AGAP1: variants seen among roughly 807,000 people sequenced by gnomAD.
AGAP1 encodes the protein ArfGAP with GTPase domain, ankyrin repeat and PH domain 1, also known as arf-GAP with GTPase, ANK repeat and PH domain-containing protein 1.
A neutral mutation model predicts 105.3 loss-of-function variants in AGAP1; 29 were observed. The observed-to-expected ratio is 0.28, with a 90% CI of 0.21 to 0.38. AGAP1 has a LOEUF of 0.38. AGAP1 is among the 10% of genes least tolerant of loss of function. AGAP1 has a pLI of 1.00. For missense variants in AGAP1, 998 were observed against 1,165.1 expected, an observed-to-expected ratio of 0.86 and a Z score of 2.09; for synonymous variants, 509 against 485.9, an observed-to-expected ratio of 1.05 and a Z score of -0.63.
chr2:236,021,676 C>G (rs2056888004), intron 13 of AGAP1, among the ~76,000 whole-genome samples: 1 of 152,110 alleles, frequency 6.6e-6, no homozygotes, highest in African/African-American at 2.4e-5. Context: ...AACACTCACC[C>G]CTGCTGTATC....
intron 1 of AGAP1, among the ~76,000 whole-genome samples, chr2:235,681,615 A>G (rs1409816923): frequency 1.3e-5 from 2 of 152,224 alleles, no homozygotes; most frequent in Admixed American, 1.3e-4. Flanking sequence ...ACAAGAATAA[A>G]TGTGGAATAC....
At chr2:235,636,880 G>A (rs1362961174) in intron 1 of AGAP1, among the ~76,000 whole-genome samples, 2 of 152,136 alleles carry the variant, frequency 1.3e-5, no homozygotes, top group Admixed American at 1.3e-4. Flanking sequence ...TGCACAGAGG[G>A]AGAACATCAT....
chr2:235,545,280 G>A (rs1943586966), intron 1 of AGAP1, among the ~76,000 whole-genome samples: 1 of 152,192 alleles, frequency 6.6e-6, no homozygotes, highest in Admixed American at 6.5e-5. Context: ...AGTGTGATCG[G>A]TGAAACACAG....
rs754923355 is a variant in AGAP1 at position 236,045,444 on chromosome 2, G to A, written c.1892-3615G>A. Among the ~76,000 whole-genome samples the A allele has an allele frequency of 5.9e-5, 9 of 152,226 alleles. No homozygotes were observed. Among genetic ancestry groups the A allele is most frequent in the Non-Finnish European group, 8.8e-5 (6 of 68,042 alleles). On this transcript the variant is annotated intron_variant, in intron 15 of 17. Coordinates refer to ENST00000304032, the MANE Select transcript of AGAP1 (RefSeq NM_001037131.3). This position sits in a 1 kb window ranked among gnomAD's most constrained non-coding sequence, Gnocchi z 6.9. The stretch of plus-strand genomic sequence containing the variant: ...GTGCCTCGTAGCTTTTAATCCTTCT[G>A]ACAGCCCCTTGAGGATGGGAATTAT...
At position 235,611,830 on chromosome 2, in the gene AGAP1, G is replaced by C. The variant is rs139649542; in HGVS notation, c.164-97349G>C. Among the ~76,000 whole-genome samples, 1,395 of 152,188 alleles carry C rather than the reference G, an allele frequency of 9.2e-3. 9 individuals are homozygous for C. Among genetic ancestry groups the C allele is most frequent in the Middle Eastern group, 0.02 (6 of 294 alleles). On this transcript the variant is annotated intron_variant, in intron 1 of 17. Coordinates refer to ENST00000304032, the MANE Select transcript of AGAP1 (RefSeq NM_001037131.3). The surrounding 1 kb of genome is among the most constrained non-coding windows in gnomAD (Gnocchi z 5.0). ...TTTTCATATAAATTAGATTTACATA[G>C]GAGACAAAGAAATCCTTCCCTCCCT...
Position 235,961,733 on chromosome 2 carries a change from C to T in AGAP1, c.1484-6729C>T, listed in dbSNP as rs1165132115. 2.6e-5 allele frequency among the ~76,000 whole-genome samples: 4 copies of T among 152,166 alleles called. No individual in the cohort carries two copies. The highest frequency in any genetic ancestry group is 5.9e-5 in the Non-Finnish European group (4 of 68,034). ...GACCATCCTGGCCAACATGTTGAAACCCGTCTCTACTAAAAATACGAAAAT... is the reference window on the plus strand; with the variant it reads ...GACCATCCTGGCCAACATGTTGAAATCCGTCTCTACTAAAAATACGAAAAT... On this transcript the variant is annotated intron_variant, in intron 12 of 17. Transcript: ENST00000304032. The surrounding 1 kb of genome is among the most constrained non-coding windows in gnomAD (Gnocchi z 5.9).
Position 235,517,861 on chromosome 2 carries a change from C to T in AGAP1, c.163+23012C>T, listed in dbSNP as rs535190123. 2.0e-5 allele frequency among the ~76,000 whole-genome samples: 3 copies of T among 146,344 alleles called. No homozygotes were observed. In the East Asian group the frequency reaches 6.1e-4, roughly 30 times the overall value. On this transcript the variant is annotated intron_variant, in intron 1 of 17. Coordinates refer to ENST00000304032, the MANE Select transcript of AGAP1 (RefSeq NM_001037131.3). The surrounding 1 kb of genome is among the most constrained non-coding windows in gnomAD (Gnocchi z 4.1). ...CTGAGGCAGGAGAATCTCTTGAACC[C>T]GGGAAGTGTTGGAGTGAGCCAAGAT...
intron 16 of AGAP1, among the ~76,000 whole-genome samples, chr2:236,089,000 G>A (rs1212976190): frequency 2.0e-5 from 3 of 152,186 alleles, no homozygotes; most frequent in Non-Finnish European, 4.4e-5. Context: ...GAAAGAACTG[G>A]TTTGTATAAT....
intron 1 of AGAP1, among the ~76,000 whole-genome samples, chr2:235,515,054 T>G (rs756732017): frequency 1.3e-5 from 2 of 152,240 alleles, no homozygotes; most frequent in Non-Finnish European, 2.9e-5. Context: ...AAAAAAGTCC[T>G]TAAATTTAGG....
rs1052244207 is a variant in AGAP1, at chr2:235,900,682, A to G, written c.1156-8056A>G. Among the ~76,000 whole-genome samples the G allele has an allele frequency of 2.0e-5, 3 of 152,222 alleles. No homozygotes were observed. The highest frequency in any genetic ancestry group is 1.3e-4 in the Admixed American group (2 of 15,290). On this transcript the variant is annotated intron_variant, in intron 10 of 17. Transcript: ENST00000304032. The surrounding 1 kb of genome is among the most constrained non-coding windows in gnomAD (Gnocchi z 5.5). ...ATTGTAATTGTGACTTCAAAAGGCC[A>G]TTCCACCATTCTATTAATCCAGCTG...
intron 1 of AGAP1, among the ~76,000 whole-genome samples, chr2:235,603,292 T>G (rs148760550): frequency 0.036 from 5,446 of 152,302 alleles, 319 homozygotes; most frequent in African/African-American, 0.12. Context: ...CCCCAGCCAC[T>G]TGGAACTGTG....
In AGAP1 at chr2:236,042,133, T is replaced by C. The variant is rs985136145; in HGVS notation, c.1891+1292T>C. ...GAAGGAGATGGACCCTGAGCTCCAC[T>C]TGGGGAGATGGATCTGGCCAGACCA... On this transcript the variant is annotated intron_variant, in intron 15 of 17. Coordinates refer to ENST00000304032, the MANE Select transcript of AGAP1 (RefSeq NM_001037131.3). The surrounding 1 kb of genome is among the most constrained non-coding windows in gnomAD (Gnocchi z 5.6). Among the ~76,000 whole-genome samples, 3 of 152,134 alleles carry C rather than the reference T, an allele frequency of 2.0e-5. No homozygotes were observed. Among genetic ancestry groups the C allele is most frequent in the East Asian group, 3.9e-4 (2 of 5,186 alleles).
Position 235,733,222 on chromosome 2 carries a change from C to G in AGAP1, c.311-7741C>G, listed in dbSNP as rs141890050. ...CACTTCTCCCGCTCACCAGGCAACA[C>G]GGGCATCTTCTTTGCCTCCGGAGAG... On this transcript the variant is annotated intron_variant, in intron 3 of 17. Coordinates refer to ENST00000304032, the MANE Select transcript of AGAP1 (RefSeq NM_001037131.3). The surrounding 1 kb of genome is among the most constrained non-coding windows in gnomAD (Gnocchi z 5.0). Among the ~76,000 whole-genome samples the G allele has an allele frequency of 1.3e-5, 2 of 152,318 alleles. No individual in the cohort carries two copies. The highest frequency in any genetic ancestry group is 4.8e-5 in the African/African-American group (2 of 41,586).
intron 1 of AGAP1, among the ~76,000 whole-genome samples, chr2:235,653,791 T>A (rs539861748): frequency 6.6e-6 from 1 of 152,358 alleles, no homozygotes; most frequent in African/African-American, 2.4e-5. Flanking sequence ...GCACAGTGGC[T>A]CACGCCTATA....
At position 236,000,189 on chromosome 2, in the gene AGAP1, C is replaced by A. The variant is rs956185643; in HGVS notation, c.1645+31566C>A. On this transcript the variant is annotated intron_variant, in intron 13 of 17. Coordinates refer to ENST00000304032, the MANE Select transcript of AGAP1 (RefSeq NM_001037131.3). The surrounding 1 kb of genome is among the most constrained non-coding windows in gnomAD (Gnocchi z 4.3). ...TATTACGTTGTTATTTTTGTCTTTCCAATTACACTAACTCCTCACTCAATG... is the reference window on the plus strand; with the variant it reads ...TATTACGTTGTTATTTTTGTCTTTCAAATTACACTAACTCCTCACTCAATG... 6.6e-6 allele frequency among the ~76,000 whole-genome samples: 1 copy of A among 152,126 alleles called. No individual in the cohort carries two copies. Among genetic ancestry groups the A allele is most frequent in the African/African-American group, 2.4e-5 (1 of 41,428 alleles).
chr2:236,067,355 GT>G (rs374238754), intron 16 of AGAP1, among the ~76,000 whole-genome samples: 1 of 152,124 alleles, frequency 6.6e-6, no homozygotes, highest in African/African-American at 2.4e-5. Flanking sequence ...TCATCTATTA[GT>G]TTTTTTAAGG....
rs1953912522 is a variant in AGAP1, at chr2:235,756,207, G to A, written c.673+5719G>A. 2.0e-5 allele frequency among the ~76,000 whole-genome samples: 3 copies of A among 152,168 alleles called. No homozygotes were observed. In the South Asian group the frequency reaches 6.2e-4, roughly 32 times the overall value. On this transcript the variant is annotated intron_variant, in intron 6 of 17. Transcript: ENST00000304032. Reference sequence around the variant, plus strand: ...CTCGTCTTCCTGAGTAGCGTGTTCGGAGCTTTCTCTGCTGCGGGTGGCGGT... The same window carrying A: ...CTCGTCTTCCTGAGTAGCGTGTTCGAAGCTTTCTCTGCTGCGGGTGGCGGT...
rs781712677 is a variant in AGAP1, at chr2:235,908,727, AT to A, written c.1156-7del. ...TTTTTATCTCTCTTGGATGTTTAAC[AT>A]TTTCAACAGGATTACATGCAGAATG... On this transcript the variant is annotated splice_polypyrimidine_tract_variant and intron_variant, in intron 10 of 17. Coordinates refer to ENST00000304032, the MANE Select transcript of AGAP1 (RefSeq NM_001037131.3). This position sits in a 1 kb window ranked among gnomAD's most constrained non-coding sequence, Gnocchi z 4.4. 43 of 1,579,972 alleles carry A rather than the reference AT, an allele frequency of 2.7e-5. No individual in the cohort carries two copies. Among genetic ancestry groups the A allele is most frequent in the Non-Finnish European group, 3.6e-5 (42 of 1,163,646 alleles).
chr2:235,653,206 C>T (rs1225494105), intron 1 of AGAP1, among the ~76,000 whole-genome samples: 1 of 152,182 alleles, frequency 6.6e-6, no homozygotes, highest in Admixed American at 6.5e-5. Context: ...TGGCTCATGC[C>T]TGTAATCCCA....
Sources: gnomAD v4.1 joint callset for allele counts (sites outside exome capture counted in the v4.1 genomes callset) on GRCh38, gnomAD v4.1.1 for gene constraint, Gnocchi (gnomAD v3.1) non-coding constraint, MANE v1.5 for transcripts, NCBI Gene and HGNC (gene_info 2026-07-23, HGNC 2026-07-21) for gene names.